DPH2: variants seen among roughly 807,000 people sequenced by gnomAD.
The protein encoded by DPH2 is diphthamide biosynthesis 2.
DPH2 carries 28 observed loss-of-function variants against 42.5 expected under a neutral mutation model. The ratio of observed to expected loss-of-function variants is 0.66; its 90% confidence interval spans 0.49 to 0.90. The LOEUF is 0.90. Ranked by LOEUF, DPH2 falls within the 40% of genes least tolerant of loss-of-function variation. The probability of loss-of-function intolerance (pLI) is 0.00; values close to 1 mark genes in which losing one functional copy is unlikely to be tolerated. For synonymous variants in DPH2, 279 were observed against 264.4 expected (o/e 1.06, Z -0.53); for missense variants, 576 against 636.0 (o/e 0.91, Z 1.01).
chr1:43,970,218 C>T lies in DPH2; in HGVS notation c.43C>T (p.Arg15Ter). The stretch of plus-strand genomic sequence containing the variant: ...CAGCCCTGCCGAGGCGGCGCTGCAG[C>T]GAGAGACCGGGGTGCCAGGACTGCT... ...FSSPAEAALQRETGVPGLLTP... is the reference protein window; with the variant it reads ...FSSPAEAALQ The change falls in exon 1 of 6, where the codon CGA (arginine) becomes TGA (stop). Residue 15 changes from arginine to a stop codon, truncating the protein, a stop_gained. Coordinates refer to ENST00000255108, the MANE Select transcript of DPH2 (RefSeq NM_001384.5). LOFTEE classifies it high-confidence loss of function. The T allele has an allele frequency of 6.2e-7, 1 of 1,614,220 alleles. No individual in the cohort carries two copies. The highest frequency in any genetic ancestry group is 8.5e-7 in the Non-Finnish European group (1 of 1,180,042).
rs750183617 is a variant in DPH2, at chr1:43,972,190, G to C, written c.1201G>C (p.Glu401Gln). Residue 401 changes from glutamate (E) to glutamine (Q), a missense_variant, in exon 5 of 6, where the codon GAG (glutamate) becomes CAG (glutamine). Transcript: ENST00000255108. ...CTTCCACGTGGCTCTCCCACCACCT[G>C]AGTCAGAGCTGTGGGAAACCCCAGA... ...SPFHVALPPP[E>Q]SELWETPDVS... 3.0e-5 allele frequency: 49 copies of C among 1,613,996 alleles called. 1 individual carries two copies. In the South Asian group the frequency reaches 5.4e-4, roughly 18 times the overall value.
rs2085386900 is a variant in DPH2, at chr1:43,970,089, AC to A, written c.-82del. 6.7e-7 allele frequency: 1 copy of A among 1,494,930 alleles called. No individual in the cohort carries two copies. The highest frequency in any genetic ancestry group is 1.4e-5 in the African/African-American group (1 of 71,588). The allele number at this position is 1,494,930 out of a possible 1,614,324, so 92.6% of individuals were successfully genotyped here. A position where few individuals can be genotyped will look rare whatever the true frequency, so the allele number is the denominator to read the frequency against. On this transcript the variant is annotated 5_prime_UTR_variant, in exon 1 of 6. It removes the in-frame stop codon of an upstream open reading frame in the 5' UTR. Coordinates refer to ENST00000255108, the MANE Select transcript of DPH2 (RefSeq NM_001384.5). ...CCCCTACCCCCACAAGGCGATTTTGACCCCCTGAGGGCTGCTCTAGAGGACT... is the reference window on the plus strand; with the variant it reads ...CCCCTACCCCCACAAGGCGATTTTGACCCCTGAGGGCTGCTCTAGAGGACT...
intron 2 of DPH2, 96 bp downstream of exon 2, chr1:43,970,804 C>T (rs745672737): frequency 2.2e-6 from 3 of 1,345,320 alleles, no homozygotes; most frequent in Non-Finnish European, 3.2e-6. Context: ...TGGTGTTTCT[C>T]CTTGATGATA....
intron 2 of DPH2, 40 bp from the exon 3 acceptor site, chr1:43,970,926 C>T: frequency 6.4e-7 from 1 of 1,552,926 alleles, no homozygotes; most frequent in Non-Finnish European, 8.7e-7. Context: ...AACTCGCCTC[C>T]AGAAGAGAAC....
chr1:43,970,162 C>T lies in DPH2; in HGVS notation c.-14C>T, dbSNP rs1244708415. 6.2e-7 allele frequency: 1 copy of T among 1,612,176 alleles called. No individual in the cohort carries two copies. The highest frequency in any genetic ancestry group is 1.3e-5 in the African/African-American group (1 of 74,924). ...GGAGGTCCCCGCTGCATCCCACCAC[C>T]CAAGCTGTGCCTCATGGAGTCGATG... On this transcript the variant is annotated 5_prime_UTR_variant, in exon 1 of 6. Transcript: ENST00000255108.
At chr1:43,970,944 T>G in intron 2 of DPH2, 22 bp from the exon 3 acceptor site, 1 of 1,563,160 alleles carries the variant, frequency 6.4e-7, no homozygotes, top group Non-Finnish European at 8.7e-7. Flanking sequence ...AACCCATTTC[T>G]CTGATGCTAT....
chr1:43,971,258 C>T, intron 3 of DPH2, 69 bp downstream of exon 3: 3 of 1,529,288 alleles, frequency 2.0e-6, no homozygotes, highest in Non-Finnish European at 2.7e-6. Context: ...TCCCCATTTC[C>T]ATATACCATC....
In DPH2 at chr1:43,972,301, C is replaced by A. The variant is rs767220738; in HGVS notation, c.1312C>A (p.Pro438Thr). ...TGGAAGCTTGGCTCTGACCCCACGG[C>A]CCCAGCTGGAGCTGGCTGAGAGCAG... ...DHGSLALTPR[P>T]QLELAESSPA... is the part of the protein sequence containing the mutation. The change falls in exon 5 of 6, where the codon CCC (proline) becomes ACC (threonine). Residue 438 changes from proline to threonine, a missense_variant. This residue lies in a region of DPH2 where 178 missense variants were observed against 184.4 expected (regional missense o/e 0.97). Coordinates refer to ENST00000255108, the MANE Select transcript of DPH2 (RefSeq NM_001384.5). 1 of 1,614,136 alleles carries A rather than the reference C, an allele frequency of 6.2e-7. No individual in the cohort carries two copies. Among genetic ancestry groups the A allele is most frequent in the Admixed American group, 1.7e-5 (1 of 60,020 alleles).
rs976683409 is a variant in DPH2, at chr1:43,970,031, G to C, written c.-145G>C. On this transcript the variant is annotated 5_prime_UTR_variant, in exon 1 of 6. Transcript: ENST00000255108. ...AAACAGTAGTTAGGATGGCTGAAGG[G>C]GATACTCACCGGCTGAAGGCCGACT... The C allele has an allele frequency of 6.6e-6, 6 of 905,016 alleles. No homozygotes were observed. The allele number at this position is 905,016 out of a possible 1,614,324, so 56.1% of individuals were successfully genotyped here.
chr1:43,971,621 G>T lies in DPH2; in HGVS notation c.719G>T (p.Gly240Val). Residue 240 changes from glycine (G) to valine (V), a missense_variant, in exon 4 of 6, where the codon GGG (glycine) becomes GTG (valine). Around this residue, in one of 3 missense-constraint regions of DPH2, gnomAD observed 395 missense variants for 435.2 expected, o/e 0.91. Coordinates refer to ENST00000255108, the MANE Select transcript of DPH2 (RefSeq NM_001384.5). ...CCAGACCTGAGTCGGCTGCTCTTGG[G>T]GTGGGCACCAGGTCAACCCTTCTCC... ...LDPDLSRLLL[G>V]WAPGQPFSSC... is the part of the protein sequence containing the mutation. The T allele has an allele frequency of 6.2e-7, 1 of 1,614,074 alleles. No individual in the cohort carries two copies. The highest frequency in any genetic ancestry group is 8.5e-7 in the Non-Finnish European group (1 of 1,179,938).
chr1:43,970,705 G>A lies in DPH2; in HGVS notation c.257G>A (p.Gly86Asp). The stretch of plus-strand genomic sequence containing the variant: ...TTCATTCTGGGTGACACAGCCTACG[G>A]CAGGTGTGAACTTGGCCTTAGGTGG... ...KMFILGDTAY[G>D]SCCVDVLGAE... The change falls in exon 2 of 6, where the codon GGC becomes GAC. Residue 86 changes from glycine to aspartate, a missense_variant. By Grantham distance (94) the Gly-to-Asp change is moderately conservative. Transcript: ENST00000255108. 6.2e-7 allele frequency: 1 copy of A among 1,614,148 alleles called. No individual in the cohort carries two copies. The highest frequency in any genetic ancestry group is 8.5e-7 in the Non-Finnish European group (1 of 1,180,002).
At position 43,971,554 on chromosome 1, in the gene DPH2, T is replaced by C; in HGVS notation, c.652T>C (p.Tyr218His). ...GRRLEEYGAF[Y>H]VGGSKASPDP... ...GCGTCTAGAAGAGTATGGTGCCTTC[T>C]ATGTAGGGGGCTCTAAGGCCAGCCC... Residue 218 changes from tyrosine to histidine, a missense_variant, in exon 4 of 6, where the codon TAT becomes CAT. Physicochemically the swap from Tyr to His is moderately conservative, Grantham distance 83. Around this residue, in one of 3 missense-constraint regions of DPH2, gnomAD observed 395 missense variants for 435.2 expected, o/e 0.91. Transcript: ENST00000255108. 6.2e-7 allele frequency: 1 copy of C among 1,614,118 alleles called. No homozygotes were observed. Among genetic ancestry groups the C allele is most frequent in the African/African-American group, 1.3e-5 (1 of 75,032 alleles).
Position 43,971,063 on chromosome 1 carries a change from G to GT in DPH2, c.360dup (p.Ala121CysfsTer19). On this transcript the variant is annotated frameshift_variant, in exon 3 of 6. Transcript: ENST00000255108. LOFTEE classifies it high-confidence loss of function. ...AAGCCCTCCAGCCCGCCCACTGCCC[G>GT]TTGCCTTCGTGCTTCGTCAACGTTC... The GT allele has an allele frequency of 1.9e-6, 3 of 1,572,208 alleles. No individual in the cohort carries two copies. In the South Asian group the frequency reaches 3.5e-5, roughly 18 times the overall value.
At position 43,972,397 on chromosome 1, in the gene DPH2, A is replaced by C. The variant is rs2085453157; in HGVS notation, c.1346-18A>C. 6.2e-7 allele frequency: 1 copy of C among 1,614,028 alleles called. No homozygotes were observed. On this transcript the variant is annotated intron_variant, in intron 5 of 5. Transcript: ENST00000255108. Reference sequence around the variant, plus strand: ...CTCCAGATGCAGCGCACTCAGACTGAGCCCCCTCCCTCTACAGCCTCATTC... The same window carrying C: ...CTCCAGATGCAGCGCACTCAGACTGCGCCCCCTCCCTCTACAGCCTCATTC...
At position 43,971,494 on chromosome 1, in the gene DPH2, C is replaced by A. The variant is rs1049930638; in HGVS notation, c.592C>A (p.Arg198Ser). 1.9e-6 allele frequency: 3 copies of A among 1,614,232 alleles called. No homozygotes were observed. Among genetic ancestry groups the A allele is most frequent in the Non-Finnish European group, 2.5e-6 (3 of 1,180,030 alleles). ...SLSPEPMPLE[R>S]FGRRFPLAPG... ...GAGTCCAGAGCCTATGCCCCTAGAG[C>A]GTTTTGGGCGCCGCTTCCCCCTTGC... The change falls in exon 4 of 6, where the codon CGT becomes AGT. Residue 198 changes from arginine (R) to serine (S), a missense_variant. Physicochemically the swap from Arg to Ser is moderately radical, Grantham distance 110. Transcript: ENST00000255108.
rs972375497 is a variant in DPH2 at position 43,972,664 on chromosome 1, G to A, written c.*125G>A. Reference sequence around the variant, plus strand: ...AGGACCCTGGAAGGAGGGAGAGCAGGCAGCCCTTCACAGGATAGGATCCGT... The same window carrying A: ...AGGACCCTGGAAGGAGGGAGAGCAGACAGCCCTTCACAGGATAGGATCCGT... On this transcript the variant is annotated 3_prime_UTR_variant, in exon 6 of 6. Coordinates refer to ENST00000255108, the MANE Select transcript of DPH2 (RefSeq NM_001384.5). The A allele has an allele frequency of 2.8e-6, 4 of 1,411,838 alleles. No individual in the cohort carries two copies. The highest frequency in any genetic ancestry group is 1.4e-5 in the African/African-American group (1 of 70,190). The allele number at this position is 1,411,838 out of a possible 1,614,324, so 87.5% of individuals were successfully genotyped here. A position where few individuals can be genotyped will look rare whatever the true frequency, so the allele number is the denominator to read the frequency against.
At position 43,970,612 on chromosome 1, in the gene DPH2, C is replaced by T. The variant is rs1359141200; in HGVS notation, c.164C>T (p.Pro55Leu). ...TGCTTATAGGTTGCCTTGCAGTTCC[C>T]TGACCAGCTATTGGGAGATGCTGTG... ...LGCERVALQF[P>L]DQLLGDAVAV... The change falls in exon 2 of 6, where the codon CCT becomes CTT. Residue 55 changes from proline (P) to leucine (L), a missense_variant. Transcript: ENST00000255108. The T allele has an allele frequency of 6.2e-7, 1 of 1,614,078 alleles. No individual in the cohort carries two copies. Among genetic ancestry groups the T allele is most frequent in the African/African-American group, 1.3e-5 (1 of 74,912 alleles).
intron 3 of DPH2, 26 bp from the exon 4 acceptor site, chr1:43,971,361 C>T: frequency 6.4e-7 from 1 of 1,552,470 alleles, no homozygotes; most frequent in Non-Finnish European, 8.7e-7. Context: ...AGGCTCCAAC[C>T]TCAACACTAC....
chr1:43,970,866 C>T (rs1571782042), intron 2 of DPH2, 100 bp from the exon 3 acceptor site: 2 of 1,390,280 alleles, frequency 1.4e-6, no homozygotes, highest in East Asian at 2.4e-5. Flanking sequence ...CAATGTCTTC[C>T]TTTAATGAAA....
Sources: allele counts gnomAD v4.1 joint callset, GRCh38; gene constraint gnomAD v4.1.1; regional missense constraint gnomAD v4.1.1; transcripts MANE v1.5; gene names NCBI Gene and HGNC (gene_info 2026-07-23, HGNC 2026-07-21).